The following CUX1 variants were observed in gnomAD, a reference collection of about 807,000 sequenced individuals.
CUX1 encodes protein CASP.
Under a neutral mutation model 158.8 loss-of-function variants are expected in CUX1, and 31 were observed. The ratio of observed to expected loss-of-function variants is 0.20; its 90% confidence interval spans 0.15 to 0.26. The LOEUF is 0.26. Among genes scored for constraint, CUX1 ranks in the 10% least tolerant of loss-of-function variants. The pLI, the probability that CUX1 is intolerant of heterozygous loss-of-function variation, is 1.00. For synonymous variants in CUX1, 879 were observed against 862.1 expected (o/e 1.02, Z -0.34); for missense variants, 1,589 against 2,014.6 (o/e 0.79, Z 4.04).
At chr7:102,192,758 G>A (rs1270561869) in intron 12 of CUX1, among the ~76,000 whole-genome samples, 1 of 152,192 alleles carries the variant, frequency 6.6e-6, no homozygotes, top group Non-Finnish European at 1.5e-5. Context: ...TAAATCTCAC[G>A]GTCCAGCCAG....
chr7:102,127,578 T>TA (rs1832775176), intron 8 of CUX1, among the ~76,000 whole-genome samples: 2 of 107,498 alleles, frequency 1.9e-5, no homozygotes, highest in Non-Finnish European at 4.1e-5. Flanking sequence ...TTTTTGTTTT[T>TA]GTTTTTTTTT....
At chr7:102,168,180 G>T (rs754016705) in intron 9 of CUX1, among the ~76,000 whole-genome samples, 7 of 151,982 alleles carry the variant, frequency 4.6e-5, no homozygotes, top group Non-Finnish European at 7.4e-5. Flanking sequence ...CTTCCTGATG[G>T]CTGGTTCTAG....
chr7:101,962,492 C>A (rs1026750556), intron 2 of CUX1, among the ~76,000 whole-genome samples: 5 of 152,166 alleles, frequency 3.3e-5, no homozygotes, highest in African/African-American at 1.2e-4. Context: ...CCGGAGATAA[C>A]GAACTGTTAC....
chr7:102,264,780 C>G (rs1790679129), intron 14 of CUX1: 1 of 152,584 alleles, frequency 6.6e-6, no homozygotes, highest in Non-Finnish European at 1.5e-5. Flanking sequence ...CCACATTGAA[C>G]TTGGTCAAGG....
At chr7:101,913,486 C>T in intron 1 of CUX1, 1 of 1,080,354 alleles carries the variant, frequency 9.3e-7, no homozygotes, top group South Asian at 1.5e-5. Flanking sequence ...CCTCCTCCAC[C>T]AGGCAGGCTC....
At chr7:102,268,588 G>A (rs1554545554) in intron 14 of CUX1, among the ~76,000 whole-genome samples, 1 of 152,116 alleles carries the variant, frequency 6.6e-6, no homozygotes, top group Non-Finnish European at 1.5e-5. Flanking sequence ...CTGATTTTCT[G>A]TATTAGCTGT....
chr7:101,903,721 AC>A (rs1197741835), intron 1 of CUX1, among the ~76,000 whole-genome samples: 3 of 152,144 alleles, frequency 2.0e-5, no homozygotes, highest in Non-Finnish European at 4.4e-5. Flanking sequence ...AGCGTCTCTC[AC>A]ATCTCACCGT....
intron 8 of CUX1, among the ~76,000 whole-genome samples, chr7:102,127,118 G>A (rs897092295): frequency 2.6e-5 from 4 of 152,242 alleles, no homozygotes; most frequent in South Asian, 2.1e-4. Context: ...CTCCTGCAGC[G>A]CATCTCCTGC....
intron 17 of CUX1, among the ~76,000 whole-genome samples, chr7:102,276,692 T>C (rs967640931): frequency 6.6e-6 from 1 of 152,200 alleles, no homozygotes; most frequent in African/African-American, 2.4e-5. Context: ...TGCCTTTAGA[T>C]TGGCAAATAT....
chr7:101,879,312 A>G (rs963536808), intron 1 of CUX1, among the ~76,000 whole-genome samples: 3 of 151,298 alleles, frequency 2.0e-5, no homozygotes, highest in African/African-American at 7.3e-5. Flanking sequence ...TAGCTTTAAC[A>G]TGAAAGTCTT....
chr7:102,249,192 C>G lies in CUX1; in HGVS notation c.*150C>G. ...GACCTGAGCCCGCAGCCCAGACCCC[C>G]TCCACGGTCCGCGGCCTGCACCGAC... On this transcript the variant is annotated 3_prime_UTR_variant, in exon 24 of 24. Coordinates refer to ENST00000292535, the MANE Select transcript of CUX1 (RefSeq NM_181552.4). 2 of 1,124,820 alleles carry G rather than the reference C, an allele frequency of 1.8e-6. No homozygotes were observed. The highest frequency in any genetic ancestry group is 4.5e-5 in the East Asian group (1 of 22,312). The allele number at this position is 1,124,820 out of a possible 1,614,324, so 69.7% of individuals were successfully genotyped here.
intron 2 of CUX1, among the ~76,000 whole-genome samples, chr7:102,010,451 G>GA (rs1480282685): frequency 2.0e-5 from 3 of 149,618 alleles, no homozygotes; most frequent in African/African-American, 4.9e-5. Context: ...AAGAAAGGGA[G>GA]ATTCACCAAG....
rs1824723298 is a variant in CUX1, at chr7:102,060,608, A to AC, written c.190-9731_190-9730insC. 1.4e-4 allele frequency among the ~76,000 whole-genome samples: 19 copies of AC among 133,304 alleles called. No individual in the cohort carries two copies. In the East Asian group the frequency reaches 1.6e-3, roughly 11 times the overall value. The allele number at this position is 133,304 out of a possible 152,430, so 87.5% of individuals were successfully genotyped here. A position where few individuals can be genotyped will look rare whatever the true frequency, so the allele number is the denominator to read the frequency against. Reference sequence around the variant, plus strand: ...ATATATATATACACACACACAAATAAACACACACACACACACACACACACA... The same window carrying AC: ...ATATATATATACACACACACAAATAACACACACACACACACACACACACACA... On this transcript the variant is annotated intron_variant, in intron 3 of 23. Transcript: ENST00000292535.
intron 3 of CUX1, among the ~76,000 whole-genome samples, chr7:102,030,691 G>GTTTTTTTTTTTTTTT (rs71119801): frequency 3.3e-5 from 4 of 119,410 alleles, no homozygotes; most frequent in African/African-American, 6.2e-5. Context: ...TTTAAAAAGT[G>GTTTTTTTTTTTTTTT]TTTTTTTTTT....
At chr7:101,976,535 G>A (rs186707364) in intron 2 of CUX1, among the ~76,000 whole-genome samples, 72 of 152,248 alleles carry the variant, frequency 4.7e-4, no homozygotes, top group African/African-American at 1.6e-3. Flanking sequence ...TGTAGAGGTG[G>A]CAGCCTGAGG....
intron 12 of CUX1, among the ~76,000 whole-genome samples, chr7:102,191,075 C>T (rs1052312559): frequency 2.0e-5 from 3 of 152,126 alleles, no homozygotes; most frequent in African/African-American, 4.8e-5. Flanking sequence ...CCCCAGCCTC[C>T]CTGGCGTCTG....
At chr7:101,874,245 C>T (rs988885131) in intron 1 of CUX1, among the ~76,000 whole-genome samples, 1 of 152,122 alleles carries the variant, frequency 6.6e-6, no homozygotes, top group Non-Finnish European at 1.5e-5. Flanking sequence ...CCGTGCAGGC[C>T]GTTGATAGAA....
chr7:101,874,230 GATCTCCGTGCAGGCCGTTGATAGA>G (rs1222197974), intron 1 of CUX1, among the ~76,000 whole-genome samples: 2 of 152,202 alleles, frequency 1.3e-5, no homozygotes, highest in Non-Finnish European at 2.9e-5. Flanking sequence ...TTGTGGAGAG[GATCTCCGTGCAGGCCGTTGATAGA>G]ATAATATCCT....
chr7:102,045,854 T>G (rs759986118), intron 3 of CUX1, among the ~76,000 whole-genome samples: 3 of 152,238 alleles, frequency 2.0e-5, no homozygotes, highest in Non-Finnish European at 2.9e-5. Context: ...AGCTGTCATT[T>G]GGCATCTCCG....
Sources: allele counts gnomAD v4.1 joint callset (sites outside exome capture counted in the v4.1 genomes callset), GRCh38; gene constraint gnomAD v4.1.1; transcripts MANE v1.5; gene names NCBI Gene and HGNC (gene_info 2026-07-23, HGNC 2026-07-21).